The following CNNM1 variants were observed in gnomAD, a reference collection of about 807,000 sequenced individuals.
CNNM1 encodes cyclin and CBS domain divalent metal cation transport mediator 1.
In CNNM1, 44 loss-of-function variants were observed where a neutral mutation model predicts 78.8. The ratio of observed to expected loss-of-function variants is 0.56; its 90% CI spans 0.44 to 0.72. The LOEUF (loss-of-function observed/expected upper bound fraction) is 0.72, where lower values mean the gene tolerates loss of function less well. Ranked by LOEUF, CNNM1 falls within the 30% of genes least tolerant of loss-of-function variation. The probability of loss-of-function intolerance (pLI) is 0.00; values close to 1 mark genes in which losing one functional copy is unlikely to be tolerated. For missense variants in CNNM1, 1,101 were observed against 1,292.2 expected (o/e 0.85, Z 2.27); for synonymous variants, 584 against 581.5 (o/e 1.00, Z -0.06).
At chr10:99,389,993 A>T (rs142296161) in intron 9 of CNNM1, among the ~76,000 whole-genome samples, 2 of 152,304 alleles carry the variant, frequency 1.3e-5, no homozygotes, top group East Asian at 3.9e-4. Flanking sequence ...TGGGTGGAGA[A>T]CACATTGTTC....
At chr10:99,360,103 A>G (rs1166044513) in intron 2 of CNNM1, among the ~76,000 whole-genome samples, 1 of 152,206 alleles carries the variant, frequency 6.6e-6, no homozygotes, top group East Asian at 1.9e-4. Context: ...CCCCATCCAG[A>G]AAACCCACCT....
Position 99,365,016 on chromosome 10 carries a change from A to G in CNNM1, c.2176+14A>G. On this transcript the variant is annotated intron_variant, in intron 6 of 10. Transcript: ENST00000356713. ...CTTCTGTCTTTCGTATGTATCTCTC[A>G]AACCCCTTCCTCGTCCTCCCCATCG... is the stretch of plus-strand genomic sequence containing the variant. 1 of 1,613,770 alleles carries G rather than the reference A, an allele frequency of 6.2e-7. No individual in the cohort carries two copies. The highest frequency in any genetic ancestry group is 8.5e-7 in the Non-Finnish European group (1 of 1,179,778).
intron 7 of CNNM1, among the ~76,000 whole-genome samples, chr10:99,387,303 C>T (rs1046322607): frequency 2.0e-5 from 3 of 152,140 alleles, no homozygotes; most frequent in Non-Finnish European, 4.4e-5. Flanking sequence ...GCTGTGGTCC[C>T]AGCCAGCATA....
chr10:99,335,011 C>A (rs1416444677), intron 1 of CNNM1, among the ~76,000 whole-genome samples: 1 of 152,196 alleles, frequency 6.6e-6, no homozygotes, highest in East Asian at 1.9e-4. Flanking sequence ...GACCCGAAAG[C>A]CTGTTCTTTC....
intron 3 of CNNM1, 103 bp from the exon 4 acceptor site, chr10:99,362,124 G>C: frequency 2.8e-6 from 3 of 1,071,952 alleles, no homozygotes; most frequent in Non-Finnish European, 3.9e-6. Context: ...TACAGGCACA[G>C]GGGTCCCAGT....
intron 1 of CNNM1, among the ~76,000 whole-genome samples, chr10:99,344,738 T>C (rs571255292): frequency 7.2e-5 from 11 of 152,180 alleles, no homozygotes; most frequent in Admixed American, 7.2e-4. Flanking sequence ...CACAGCAATA[T>C]AAACAAAACT....
At chr10:99,389,048 C>G (rs1473147858) in intron 9 of CNNM1, among the ~76,000 whole-genome samples, 1 of 152,168 alleles carries the variant, frequency 6.6e-6, no homozygotes, top group Non-Finnish European at 1.5e-5. Context: ...CCCCACCCGA[C>G]CTGTCAGACC....
At chr10:99,384,143 C>A (rs1012736526) in intron 7 of CNNM1, among the ~76,000 whole-genome samples, 2 of 152,160 alleles carry the variant, frequency 1.3e-5, no homozygotes, top group African/African-American at 4.8e-5. Context: ...CGTTACATTT[C>A]TCTTCAACAG....
At chr10:99,365,084 T>C (rs754935427) in intron 6 of CNNM1, 82 bp downstream of exon 6, 1 of 1,435,030 alleles carries the variant, frequency 7.0e-7, no homozygotes, top group South Asian at 1.2e-5. Flanking sequence ...ACCGAGCACT[T>C]TGAGCCTGGG....
At chr10:99,331,746 G>T (rs1271819822) in intron 1 of CNNM1, among the ~76,000 whole-genome samples, 1 of 152,102 alleles carries the variant, frequency 6.6e-6, no homozygotes, top group Non-Finnish European at 1.5e-5. Flanking sequence ...AAGTACTCAG[G>T]TTGGGGGTTA....
rs1451932980 is a variant in CNNM1, at chr10:99,330,357, C to T, written c.970C>T (p.Pro324Ser). The T allele has an allele frequency of 6.3e-7, 1 of 1,599,580 alleles. No individual in the cohort carries two copies. Among genetic ancestry groups the T allele is most frequent in the Non-Finnish European group, 8.5e-7 (1 of 1,174,244 alleles). The change falls in exon 1 of 11, where the codon CCG becomes TCG. Residue 324 changes from proline (P) to serine (S), a missense_variant. By Grantham distance (74) the Pro-to-Ser change is moderately conservative. This residue lies in a region of CNNM1 where 476 missense variants were observed against 484.5 expected (regional missense o/e 0.98). Transcript: ENST00000356713. Reference protein sequence around the residue: ...EDYSEEGIHFPWLPALVCTGA... With the variant: ...EDYSEEGIHFSWLPALVCTGA... The stretch of plus-strand genomic sequence containing the variant: ...CTACAGCGAAGAGGGGATCCACTTC[C>T]CGTGGCTGCCGGCGCTCGTGTGCAC...
intron 1 of CNNM1, among the ~76,000 whole-genome samples, chr10:99,354,874 T>C (rs1457259614): frequency 6.6e-6 from 1 of 152,108 alleles, no homozygotes; most frequent in Non-Finnish European, 1.5e-5. Context: ...AGCCTGGACT[T>C]GATTCTGTAA....
intron 1 of CNNM1, among the ~76,000 whole-genome samples, chr10:99,340,781 T>A (rs1589886702): frequency 6.6e-6 from 1 of 150,782 alleles, no homozygotes; most frequent in Admixed American, 6.6e-5. Flanking sequence ...CTTTCCTTCT[T>A]TCTTTTCTTT....
intron 4 of CNNM1, among the ~76,000 whole-genome samples, chr10:99,363,954 A>AG (rs2031523400): frequency 6.6e-6 from 1 of 152,064 alleles, no homozygotes; most frequent in Non-Finnish European, 1.5e-5. Context: ...CATATTGGCC[A>AG]GGCTAGTCTC....
At chr10:99,375,007 A>G (rs534583809) in intron 6 of CNNM1, among the ~76,000 whole-genome samples, 1 of 152,290 alleles carries the variant, frequency 6.6e-6, no homozygotes, top group East Asian at 1.9e-4. Context: ...TCAGCTGAGA[A>G]CTAGTGACTG....
chr10:99,371,417 C>G (rs1380296498), intron 6 of CNNM1, among the ~76,000 whole-genome samples: 1 of 152,172 alleles, frequency 6.6e-6, no homozygotes, highest in Non-Finnish European at 1.5e-5. Flanking sequence ...CTTCTTTCTT[C>G]TCCTGGTGGT....
chr10:99,365,160 G>T lies in CNNM1; in HGVS notation c.2176+158G>T, dbSNP rs1418557352. ...CTGCCAGGAACACTGCTTCCTGCCAGGTACCCACAGACCATGGGAGCTTAG... is the reference window on the plus strand; with the variant it reads ...CTGCCAGGAACACTGCTTCCTGCCATGTACCCACAGACCATGGGAGCTTAG... On this transcript the variant is annotated intron_variant, in intron 6 of 10. Transcript: ENST00000356713. The T allele has an allele frequency of 4.0e-6, 3 of 741,592 alleles. No individual in the cohort carries two copies. The Admixed American group carries it at 6.0e-5, about 15-fold the overall frequency. The allele number at this position is 741,592 out of a possible 1,614,324, so 45.9% of individuals were successfully genotyped here.
chr10:99,350,726 C>T (rs577568239), intron 1 of CNNM1, among the ~76,000 whole-genome samples: 6 of 152,220 alleles, frequency 3.9e-5, no homozygotes, highest in African/African-American at 1.4e-4. Context: ...TTTGCTGCAC[C>T]TATCAACCCA....
intron 1 of CNNM1, among the ~76,000 whole-genome samples, chr10:99,348,427 G>A (rs1299298229): frequency 6.6e-6 from 1 of 152,182 alleles, no homozygotes; most frequent in Non-Finnish European, 1.5e-5. Context: ...GGAGGAAAAT[G>A]ATTTTGTGCA....
Sources: gnomAD v4.1 joint callset for allele counts (sites outside exome capture counted in the v4.1 genomes callset) on GRCh38, gnomAD v4.1.1 for gene constraint, gnomAD v4.1.1 regional missense constraint, MANE v1.5 for transcripts, NCBI Gene and HGNC (gene_info 2026-07-23, HGNC 2026-07-21) for gene names.